The following FHIT variants were observed in gnomAD, a reference collection of about 807,000 sequenced individuals.
The protein encoded by FHIT is bis(5'-adenosyl)-triphosphatase.
FHIT carries 19 observed loss-of-function variants against 17.9 expected under a neutral mutation model. That is an observed-to-expected ratio of 1.06 (90% CI 0.74 to 1.56). The LOEUF is 1.56. FHIT is among the 40% of genes most tolerant of loss of function. The probability of loss-of-function intolerance (pLI) is 0.00; values close to 1 mark genes in which losing one functional copy is unlikely to be tolerated. For missense variants in FHIT, 248 were observed against 189.2 expected (o/e 1.31, Z -1.82); for synonymous variants, 81 against 69.7 (o/e 1.16, Z -0.81).
chr3:60,887,543 G>C (rs1387073769), intron 3 of FHIT, among the ~76,000 whole-genome samples: 1 of 152,096 alleles, frequency 6.6e-6, no homozygotes, highest in East Asian at 1.9e-4. Context: ...CTACTCAAGA[G>C]GCTGAGGCAG....
intron 5 of FHIT, among the ~76,000 whole-genome samples, chr3:60,279,218 C>A (rs1252361152): frequency 6.6e-6 from 1 of 152,060 alleles, no homozygotes; most frequent in East Asian, 1.9e-4. Context: ...CACTACTGAT[C>A]TCACGGATAT....
At chr3:60,280,896 C>T (rs1304329839) in intron 5 of FHIT, among the ~76,000 whole-genome samples, 1 of 92,746 alleles carries the variant, frequency 1.1e-5, no homozygotes, top group African/African-American at 4.2e-5. Context: ...GAAAATAAAA[C>T]TGTTTTTGCT....
At chr3:61,102,086 A>T (rs886471865) in intron 2 of FHIT, among the ~76,000 whole-genome samples, 1 of 152,190 alleles carries the variant, frequency 6.6e-6, no homozygotes, top group African/African-American at 2.4e-5. Context: ...AACTTCCAAC[A>T]CTATATTGAA....
chr3:61,239,958 A>G (rs765999667), intron 1 of FHIT, among the ~76,000 whole-genome samples: 2 of 152,020 alleles, frequency 1.3e-5, no homozygotes, highest in Non-Finnish European at 2.9e-5. Flanking sequence ...GGGCCCTTGC[A>G]TATAGTTCCA....
At position 60,902,577 on chromosome 3, in the gene FHIT, C is replaced by T. The variant is rs145571690; in HGVS notation, c.-110-80566G>A. The stretch of plus-strand genomic sequence containing the variant: ...GCACATGGTTTGATGTAACAATTTT[C>T]GATTCAAGACAACTGACAGAACTAT... On this transcript the variant is annotated intron_variant, in intron 3 of 9. Transcript: ENST00000492590. 1.9e-3 allele frequency among the ~76,000 whole-genome samples: 288 copies of T among 152,224 alleles called. 2 individuals carry two copies. Among genetic ancestry groups the T allele is most frequent in the Non-Finnish European group, 3.3e-3 (226 of 68,020 alleles).
At chr3:60,956,446 C>T (rs541344812) in intron 3 of FHIT, among the ~76,000 whole-genome samples, 1 of 152,190 alleles carries the variant, frequency 6.6e-6, no homozygotes, top group South Asian at 2.1e-4. Context: ...TTTCTGGAAC[C>T]TTTACTTTAT....
chr3:60,351,491 G>A (rs986753380), intron 5 of FHIT, among the ~76,000 whole-genome samples: 3 of 152,132 alleles, frequency 2.0e-5, no homozygotes, highest in African/African-American at 7.2e-5. Flanking sequence ...TGCAACAGAG[G>A]TAGTCAAGAG....
chr3:59,894,394 T>C (rs887124481), intron 8 of FHIT, among the ~76,000 whole-genome samples: 2 of 152,218 alleles, frequency 1.3e-5, no homozygotes, highest in East Asian at 1.9e-4. Context: ...GTCTAGCACA[T>C]AATTTACACT....
At chr3:60,116,375 G>C (rs547014832) in intron 5 of FHIT, among the ~76,000 whole-genome samples, 4 of 152,146 alleles carry the variant, frequency 2.6e-5, no homozygotes, top group African/African-American at 9.7e-5. Flanking sequence ...AAGTATTCTC[G>C]ATAGCGGGCA....
intron 3 of FHIT, among the ~76,000 whole-genome samples, chr3:60,835,932 G>A (rs1404455664): frequency 6.6e-6 from 1 of 152,200 alleles, no homozygotes; most frequent in African/African-American, 2.4e-5. Flanking sequence ...AGTTTTAAGA[G>A]TTGGTTTTGT....
chr3:60,957,233 C>CTTT (rs35221092), intron 3 of FHIT, among the ~76,000 whole-genome samples: 224 of 96,994 alleles, frequency 2.3e-3, no homozygotes, highest in Non-Finnish European at 3.0e-3. Context: ...TTCTTTCTTT[C>CTTT]TTTTTTTTTT....
intron 5 of FHIT, among the ~76,000 whole-genome samples, chr3:60,534,773 G>C (rs977864380): frequency 2.1e-4 from 32 of 152,046 alleles, no homozygotes; most frequent in African/African-American, 7.7e-4. Flanking sequence ...AACTGAGCAG[G>C]GTTCATTTCC....
intron 3 of FHIT, among the ~76,000 whole-genome samples, chr3:60,892,824 T>C (rs934864659): frequency 2.8e-4 from 42 of 152,160 alleles, no homozygotes; most frequent in African/African-American, 9.7e-4. Context: ...GCATATGATA[T>C]AAGGTTAAGT....
chr3:60,696,669 G>A lies in FHIT; in HGVS notation c.-18+125250C>T, dbSNP rs567544957. On this transcript the variant is annotated intron_variant, in intron 4 of 9. Coordinates refer to ENST00000492590, the MANE Select transcript of FHIT (RefSeq NM_002012.4). The stretch of plus-strand genomic sequence containing the variant: ...TGGATCAGAGGGCTGGGCTCCGGAA[G>A]ACAGTTTTTAAATGTCACTAGATAA... 5.9e-5 allele frequency among the ~76,000 whole-genome samples: 9 copies of A among 152,260 alleles called. No individual in the cohort carries two copies. The East Asian group carries it at 1.5e-3, about 26-fold the overall frequency.
chr3:60,583,747 A>G (rs2037820530), intron 4 of FHIT, among the ~76,000 whole-genome samples: 1 of 152,076 alleles, frequency 6.6e-6, no homozygotes. Context: ...TTCATTTGCC[A>G]TAACGCAAAG....
intron 3 of FHIT, among the ~76,000 whole-genome samples, chr3:60,941,790 T>C (rs1395020313): frequency 2.0e-5 from 3 of 152,170 alleles, no homozygotes; most frequent in South Asian, 2.1e-4. Flanking sequence ...CTTTGATATA[T>C]CATTTTCTTT....
At chr3:60,570,087 C>T (rs138865450) in intron 4 of FHIT, among the ~76,000 whole-genome samples, 70 of 152,122 alleles carry the variant, frequency 4.6e-4, no homozygotes, top group Non-Finnish European at 8.5e-4. Context: ...CAGTCTATGG[C>T]GGTGGGACAC....
chr3:60,451,116 A>T (rs1348458357), intron 5 of FHIT, among the ~76,000 whole-genome samples: 1 of 152,292 alleles, frequency 6.6e-6, no homozygotes, highest in East Asian at 1.9e-4. Flanking sequence ...ACTAATGAAA[A>T]GCCCAATATG....
chr3:60,257,290 C>G, intron 5 of FHIT, among the ~76,000 whole-genome samples: 1 of 152,282 alleles, frequency 6.6e-6, no homozygotes. Context: ...GCTCTAAAAC[C>G]TTCAATGGAC....
Sources: gnomAD v4.1 joint callset for allele counts (sites outside exome capture counted in the v4.1 genomes callset) on GRCh38, gnomAD v4.1.1 for gene constraint, MANE v1.5 for transcripts, NCBI Gene and HGNC (gene_info 2026-07-23, HGNC 2026-07-21) for gene names.